The following PUDP variants were observed in gnomAD, a reference collection of about 807,000 sequenced individuals.
PUDP encodes pseudouridine-5'-phosphatase.
Under a neutral mutation model 9.4 loss-of-function variants are expected in PUDP, and 8 were observed. The observed-to-expected ratio is 0.85, with a 90% confidence interval of 0.50 to 1.53. The LOEUF (loss-of-function observed/expected upper bound fraction) is 1.53, where lower values mean the gene tolerates loss of function less well. PUDP is among the 40% of genes most tolerant of loss of function. The pLI is 0.00. For synonymous variants in PUDP, 99 were observed against 80.7 expected (o/e 1.23, Z -1.22); for missense variants, 188 against 189.7 (o/e 0.99, Z 0.05).
intron 1 of PUDP, among the ~76,000 whole-genome samples, chrX:7,141,002 ATGT>A (rs761029280): frequency 9.0e-6 from 1 of 111,321 alleles, no homozygotes; most frequent in Non-Finnish European, 1.9e-5. Flanking sequence ...TAAGGGATAA[ATGT>A]TGTGTGTGTT....
chrX:7,020,828 T>C (rs926174856), intron 1 of PUDP, among the ~76,000 whole-genome samples: 9 of 112,632 alleles, frequency 8.0e-5, no homozygotes, highest in Non-Finnish European at 1.5e-4. Context: ...TGTAGCAAAG[T>C]GTGTGGGTGA....
chrX:7,030,383 C>T (rs968682872), intron 1 of PUDP, among the ~76,000 whole-genome samples: 5 of 111,329 alleles, frequency 4.5e-5, no homozygotes, highest in East Asian at 2.8e-4. Context: ...AAGGCTTCCG[C>T]GATGGAATGA....
chrX:6,910,692 T>TGAGCA (rs1927835838), intron 3 of PUDP, among the ~76,000 whole-genome samples: 1 of 112,121 alleles, frequency 8.9e-6, no homozygotes, highest in Non-Finnish European at 1.9e-5. Context: ...TAAAACTGTG[T>TGAGCA]GAGCAAAGAA....
At chrX:7,094,566 C>T (rs1158303177) in intron 2 of PUDP, among the ~76,000 whole-genome samples, 1 of 110,708 alleles carries the variant, frequency 9.0e-6, no homozygotes, top group African/African-American at 3.3e-5. Flanking sequence ...CCGTGTTAGC[C>T]AGGATGGTCT....
intron 3 of PUDP, among the ~76,000 whole-genome samples, chrX:6,789,351 G>A (rs1291276736): frequency 9.0e-6 from 1 of 111,010 alleles, no homozygotes; most frequent in Non-Finnish European, 1.9e-5. Flanking sequence ...TGCAGTCCAA[G>A]GCTAGTGAGC....
chrX:6,762,492 T>A (rs762159186), intron 3 of PUDP, among the ~76,000 whole-genome samples: 20 of 112,003 alleles, frequency 1.8e-4, no homozygotes, highest in Non-Finnish European at 3.6e-4. Context: ...TTGAAAAATG[T>A]CATACGTGAC....
chrX:6,993,163 T>C (rs957102572), intron 1 of PUDP, among the ~76,000 whole-genome samples: 4 of 111,265 alleles, frequency 3.6e-5, no homozygotes, highest in Non-Finnish European at 7.5e-5. Context: ...TGTGATCATG[T>C]GAGTCAATAC....
chrX:6,976,869 G>A (rs1210591258), intron 3 of PUDP, among the ~76,000 whole-genome samples: 8 of 111,912 alleles, frequency 7.1e-5, no homozygotes, highest in African/African-American at 2.6e-4. Context: ...AAAGCCTGAG[G>A]TGAAACTCCT....
chrX:6,925,362 C>A (rs998685121), intron 3 of PUDP, among the ~76,000 whole-genome samples: 2 of 111,946 alleles, frequency 1.8e-5, no homozygotes, highest in African/African-American at 6.5e-5. Flanking sequence ...CAACAGGTCT[C>A]TCCCTGTGCC....
At chrX:7,123,635 T>C (rs1355698312) in intron 1 of PUDP, among the ~76,000 whole-genome samples, 5 of 111,481 alleles carry the variant, frequency 4.5e-5, no homozygotes, top group African/African-American at 1.3e-4. Context: ...ATATCTACAA[T>C]AGAGATACAA....
chrX:6,736,032 C>CA (rs35503536), intron 3 of PUDP, among the ~76,000 whole-genome samples: 6 of 88,245 alleles, frequency 6.8e-5, no homozygotes, highest in African/African-American at 2.5e-4. Context: ...GACTTTGTCT[C>CA]AAAAAAAAAA....
intron 3 of PUDP, chrX:7,057,492 C>T (rs1294425754): frequency 7.9e-5 from 38 of 481,830 alleles, no homozygotes; most frequent in Non-Finnish European, 1.1e-4. Flanking sequence ...AGAGGAAAAA[C>T]TGAGAAGCAA....
intron 3 of PUDP, among the ~76,000 whole-genome samples, chrX:6,899,080 A>T (rs1392350914): frequency 8.9e-6 from 1 of 112,313 alleles, no homozygotes; most frequent in Non-Finnish European, 1.9e-5. Flanking sequence ...AACCACATTT[A>T]TAAACATCTG....
intron 3 of PUDP, among the ~76,000 whole-genome samples, chrX:6,964,264 A>C (rs759441643): frequency 8.9e-5 from 10 of 112,544 alleles, no homozygotes; most frequent in Non-Finnish European, 1.5e-4. Context: ...AATGGTGAGA[A>C]ATGCACATTC....
chrX:7,060,782 A>C (rs1930380038), intron 3 of PUDP, among the ~76,000 whole-genome samples: 1 of 112,474 alleles, frequency 8.9e-6, no homozygotes, highest in Admixed American at 9.4e-5. Context: ...TTTCACCTTA[A>C]ATGCCTATCC....
chrX:6,992,372 A>C (rs766299518), intron 1 of PUDP, among the ~76,000 whole-genome samples: 2 of 84,784 alleles, frequency 2.4e-5, no homozygotes, highest in South Asian at 1.1e-3. Context: ...TCCCGGGTTC[A>C]CGCCATTCTC....
At chrX:6,928,875 T>G (rs1928147147) in intron 3 of PUDP, among the ~76,000 whole-genome samples, 1 of 111,645 alleles carries the variant, frequency 9.0e-6, no homozygotes, top group African/African-American at 3.3e-5. Flanking sequence ...CACTCCAGCC[T>G]GGGTGAAAGA....
intron 3 of PUDP, among the ~76,000 whole-genome samples, chrX:6,829,358 A>C (rs1926470824): frequency 8.9e-6 from 1 of 112,020 alleles, no homozygotes; most frequent in Non-Finnish European, 1.9e-5. Context: ...TATAAATTTC[A>C]ACTCCTTTGA....
intron 1 of PUDP, among the ~76,000 whole-genome samples, chrX:6,978,562 T>TG (rs1928988206): frequency 8.9e-6 from 1 of 111,999 alleles, no homozygotes; most frequent in Non-Finnish European, 1.9e-5. Flanking sequence ...GGTCAAAGGT[T>TG]GTTAAAAATG....
Sources: gnomAD v4.1 joint callset for allele counts (sites outside exome capture counted in the v4.1 genomes callset) on GRCh38, gnomAD v4.1.1 for gene constraint, MANE v1.5 for transcripts, NCBI Gene and HGNC (gene_info 2026-07-23, HGNC 2026-07-21) for gene names.